RNF13: variants seen among roughly 807,000 people sequenced by gnomAD.
RNF13 encodes the protein E3 ubiquitin-protein ligase RNF13.
Under a neutral mutation model 37.7 loss-of-function variants are expected in RNF13, and 19 were observed. The ratio of observed to expected loss-of-function variants is 0.50; its 90% confidence interval spans 0.35 to 0.74. RNF13 has a LOEUF of 0.74. Ranked by LOEUF, RNF13 falls within the 30% of genes least tolerant of loss-of-function variation. The pLI is 0.01. For synonymous variants in RNF13, 144 were observed against 157.8 expected (o/e 0.91, Z 0.65); for missense variants, 375 against 453.0 (o/e 0.83, Z 1.56).
chr3:149,855,830 A>G (rs1390888284), intron 3 of RNF13, among the ~76,000 whole-genome samples: 1 of 152,108 alleles, frequency 6.6e-6, no homozygotes, highest in Non-Finnish European at 1.5e-5. Flanking sequence ...ACTGGATATT[A>G]TCGGTCTTTC....
intron 4 of RNF13, among the ~76,000 whole-genome samples, chr3:149,887,336 A>G (rs185208851): frequency 3.6e-4 from 55 of 152,334 alleles, no homozygotes; most frequent in African/African-American, 1.2e-3. Context: ...AGTATAAATC[A>G]TCTAGACCAA....
intron 8 of RNF13, among the ~76,000 whole-genome samples, chr3:149,959,271 G>A (rs1722155583): frequency 6.6e-6 from 1 of 152,160 alleles, no homozygotes; most frequent in African/African-American, 2.4e-5. Flanking sequence ...TCATGCCACT[G>A]CACTCCAGCC....
Position 149,961,438 on chromosome 3 carries a change from T to G in RNF13, c.*334T>G, listed in dbSNP as rs879035105. ...ATTTAAGTGTTTTGCGTTTTATACA[T>G]GAGGTCAGTGCTACAGCCACCTAGC... On this transcript the variant is annotated 3_prime_UTR_variant, in exon 10 of 10. Coordinates refer to ENST00000392894, the MANE Select transcript of RNF13 (RefSeq NM_183381.3). The G allele has an allele frequency of 1.5e-5, 7 of 460,240 alleles. No individual in the cohort carries two copies. Among genetic ancestry groups the G allele is most frequent in the South Asian group, 1.2e-4 (7 of 60,156 alleles). The allele number at this position is 460,240 out of a possible 1,614,324, so 28.5% of individuals were successfully genotyped here.
chr3:149,832,878 A>G (rs1407264403), intron 1 of RNF13, among the ~76,000 whole-genome samples: 1 of 152,136 alleles, frequency 6.6e-6, no homozygotes, highest in African/African-American at 2.4e-5. Context: ...TGAAGCAATA[A>G]TCAAAAACAT....
intron 1 of RNF13, among the ~76,000 whole-genome samples, chr3:149,835,651 GTGTGTGTGTGTGTGTT>G (rs1398323751): frequency 2.0e-5 from 3 of 151,120 alleles, no homozygotes; most frequent in African/African-American, 7.3e-5. Context: ...GTGTGTGTGT[GTGTGTGTGTGTGTGTT>G]TGTGTGTGTG....
chr3:149,941,556 T>G (rs1169227167), intron 8 of RNF13, among the ~76,000 whole-genome samples: 1 of 151,358 alleles, frequency 6.6e-6, no homozygotes, highest in African/African-American at 2.4e-5. Context: ...TTTTTTACTG[T>G]TGAGTTGTAG....
rs1722370192 is a variant in RNF13 at position 149,961,110 on chromosome 3, A to G, written c.*6A>G. 2.5e-6 allele frequency: 4 copies of G among 1,588,566 alleles called. No individual in the cohort carries two copies. Among genetic ancestry groups the G allele is most frequent in the Non-Finnish European group, 3.4e-6 (4 of 1,166,454 alleles). On this transcript the variant is annotated 3_prime_UTR_variant, in exon 10 of 10. Coordinates refer to ENST00000392894, the MANE Select transcript of RNF13 (RefSeq NM_183381.3). ...ACATAGCAAATACTGTTTGACTTTC[A>G]GAAGATGATTGGTTTATTTCCCTTT...
At chr3:149,851,417 A>G (rs1559906363) in intron 2 of RNF13, 1 of 152,252 alleles carries the variant, frequency 6.6e-6, no homozygotes, top group Non-Finnish European at 1.5e-5. Context: ...GGCAGATGAC[A>G]TAAGAGGCTA....
chr3:149,881,678 T>C (rs571540910), intron 4 of RNF13, among the ~76,000 whole-genome samples: 38 of 152,334 alleles, frequency 2.5e-4, no homozygotes. Flanking sequence ...TGGCTTCTGT[T>C]TTTTGGTATA....
chr3:149,841,935 A>G (rs1722222150), intron 1 of RNF13, among the ~76,000 whole-genome samples: 1 of 152,188 alleles, frequency 6.6e-6, no homozygotes, highest in Non-Finnish European at 1.5e-5. Flanking sequence ...CGGCCTGGGC[A>G]GATTCTTAAA....
At chr3:149,882,448 A>G (rs1036539382) in intron 4 of RNF13, among the ~76,000 whole-genome samples, 4 of 152,234 alleles carry the variant, frequency 2.6e-5, no homozygotes, top group Admixed American at 6.5e-5. Flanking sequence ...TGAGATATAC[A>G]TAAACAAAAA....
intron 8 of RNF13, among the ~76,000 whole-genome samples, chr3:149,947,670 A>T (rs200945663): frequency 1.3e-5 from 2 of 151,388 alleles, no homozygotes; most frequent in African/African-American, 4.9e-5. Context: ...AAAGTGCTGG[A>T]ATTACAGGCG....
intron 8 of RNF13, among the ~76,000 whole-genome samples, chr3:149,948,947 G>A (rs1330855793): frequency 6.6e-6 from 1 of 152,074 alleles, no homozygotes; most frequent in African/African-American, 2.4e-5. Context: ...AGGATGGCTT[G>A]AGCCTGGGAG....
chr3:149,872,900 C>T (rs1272432015), intron 4 of RNF13, among the ~76,000 whole-genome samples: 1 of 152,112 alleles, frequency 6.6e-6, no homozygotes, highest in East Asian at 1.9e-4. Context: ...CCATAGTAAA[C>T]TTATGAGAGG....
At chr3:149,937,324 C>T (rs141172612) in intron 8 of RNF13, among the ~76,000 whole-genome samples, 4 of 152,178 alleles carry the variant, frequency 2.6e-5, no homozygotes, top group East Asian at 1.9e-4. Context: ...GGATAGGAAC[C>T]GTAAGTCTTG....
chr3:149,894,908 A>T (rs1377948274), intron 4 of RNF13, among the ~76,000 whole-genome samples: 1 of 152,162 alleles, frequency 6.6e-6, no homozygotes, highest in Non-Finnish European at 1.5e-5. Context: ...ATTCTGCCAC[A>T]CATCCAACTA....
intron 8 of RNF13, chr3:149,939,745 A>T: frequency 1.5e-6 from 1 of 655,132 alleles, no homozygotes; most frequent in Non-Finnish European, 2.8e-6. Context: ...ACAACTGAAA[A>T]GATAGTTCTG....
At chr3:149,913,811 C>T (rs1194008376) in intron 7 of RNF13, among the ~76,000 whole-genome samples, 1 of 152,164 alleles carries the variant, frequency 6.6e-6, no homozygotes, top group Non-Finnish European at 1.5e-5. Context: ...TAGAACATCA[C>T]TGATGATGCT....
intron 8 of RNF13, among the ~76,000 whole-genome samples, chr3:149,945,341 C>T (rs1720661945): frequency 6.6e-6 from 1 of 152,206 alleles, no homozygotes. Flanking sequence ...TGAGATCGAA[C>T]TGCAAGGCGG....
Sources: gnomAD v4.1 joint callset for allele counts (sites outside exome capture counted in the v4.1 genomes callset) on GRCh38, gnomAD v4.1.1 for gene constraint, MANE v1.5 for transcripts, NCBI Gene and HGNC (gene_info 2026-07-23, HGNC 2026-07-21) for gene names.